DYNC2H1: variants seen among roughly 807,000 people sequenced by gnomAD.
The protein encoded by DYNC2H1 is dynein cytoplasmic 2 heavy chain 1.
In DYNC2H1, 410 loss-of-function variants were observed where a neutral mutation model predicts 570.0. That is an observed-to-expected ratio of 0.72 (90% CI 0.66 to 0.78). DYNC2H1 has a LOEUF of 0.78. Among genes scored for constraint, DYNC2H1 ranks in the 30% least tolerant of loss-of-function variants. The probability of loss-of-function intolerance (pLI) is 0.00; values close to 1 mark genes in which losing one functional copy is unlikely to be tolerated. For synonymous variants in DYNC2H1, 1,688 were observed against 1,677.6 expected (o/e 1.01, Z -0.15); for missense variants, 4,865 against 5,046.4 (o/e 0.96, Z 1.09).
intron 84 of DYNC2H1, among the ~76,000 whole-genome samples, chr11:103,426,600 G>T (rs1011050966): frequency 1.3e-5 from 2 of 152,126 alleles, no homozygotes; most frequent in East Asian, 3.8e-4. Flanking sequence ...ATCTATGTTA[G>T]CTTGGAAGAC....
chr11:103,292,115 G>GT (rs1316064206), intron 75 of DYNC2H1, among the ~76,000 whole-genome samples: 2 of 147,310 alleles, frequency 1.4e-5, no homozygotes, highest in Non-Finnish European at 3.0e-5. Context: ...CGGCTATTTT[G>GT]TTTTTTTGTT....
intron 87 of DYNC2H1, among the ~76,000 whole-genome samples, chr11:103,467,993 G>A (rs1275296657): frequency 6.6e-6 from 1 of 152,164 alleles, no homozygotes; most frequent in Non-Finnish European, 1.5e-5. Context: ...ATTAACTGCA[G>A]AAACTAAAAG....
rs1862046241 is a variant in DYNC2H1 at position 103,185,922 on chromosome 11, TTA to T, written c.6634-319_6634-318del. Among the ~76,000 whole-genome samples, 3 of 151,922 alleles carry T rather than the reference TTA, an allele frequency of 2.0e-5. No individual in the cohort carries two copies. The highest frequency in any genetic ancestry group is 4.2e-4 in the South Asian group (2 of 4,816). On this transcript the variant is annotated intron_variant, in intron 41 of 88. Coordinates refer to ENST00000375735, the MANE Select transcript of DYNC2H1 (RefSeq NM_001377.3). The surrounding 1 kb of genome is among the most constrained non-coding windows in gnomAD (Gnocchi z 4.5). Reference sequence around the variant, plus strand: ...CAGGATATGGCAGAAATGAAGGGCTTTAGGATTTCTGCATTCTGTACTTTGTG... The same window carrying T: ...CAGGATATGGCAGAAATGAAGGGCTTGGATTTCTGCATTCTGTACTTTGTG...
intron 70 of DYNC2H1, among the ~76,000 whole-genome samples, chr11:103,270,249 T>C (rs999630922): frequency 1.1e-4 from 17 of 150,490 alleles, no homozygotes; most frequent in African/African-American, 3.9e-4. Flanking sequence ...GAAGGAAGGA[T>C]TGGGAGCATG....
chr11:103,269,095 G>C (rs1362978905), intron 70 of DYNC2H1, among the ~76,000 whole-genome samples: 1 of 152,034 alleles, frequency 6.6e-6, no homozygotes, highest in East Asian at 1.9e-4. Context: ...TAATATTTTA[G>C]TTAGTACTCA....
chr11:103,242,143 C>T (rs962708449), intron 63 of DYNC2H1, among the ~76,000 whole-genome samples: 2 of 151,968 alleles, frequency 1.3e-5, no homozygotes, highest in Non-Finnish European at 2.9e-5. Flanking sequence ...TGGGGTTATA[C>T]ATTTTTATAT....
intron 47 of DYNC2H1, 137 bp from the exon 48 acceptor site, chr11:103,197,796 A>T: frequency 2.1e-6 from 2 of 934,392 alleles, no homozygotes; most frequent in Non-Finnish European, 3.2e-6. Context: ...TGTACACTTT[A>T]AAGTATTTTG....
rs1862201055 is a variant in DYNC2H1 at position 103,189,279 on chromosome 11, A to C, written c.7293-393A>C. On this transcript the variant is annotated intron_variant, in intron 44 of 88. Coordinates refer to ENST00000375735, the MANE Select transcript of DYNC2H1 (RefSeq NM_001377.3). The surrounding 1 kb of genome is among the most constrained non-coding windows in gnomAD (Gnocchi z 4.3). ...TGAAATACATTTTGGTTTGGGAGAA[A>C]GGGGTTGATTTTATTTGTTGTATTA... Among the ~76,000 whole-genome samples, 1 of 151,946 alleles carries C rather than the reference A, an allele frequency of 6.6e-6. No individual in the cohort carries two copies. Among genetic ancestry groups the C allele is most frequent in the African/African-American group, 2.4e-5 (1 of 41,356 alleles).
rs1335663972 is a variant in DYNC2H1 at position 103,462,736 on chromosome 11, A to AGC, written c.12649-5853_12649-5852insGC. Among the ~76,000 whole-genome samples the AGC allele has an allele frequency of 9.8e-5, 15 of 152,296 alleles. No homozygotes were observed. In the South Asian group the frequency reaches 1.4e-3, roughly 15 times the overall value. On this transcript the variant is annotated intron_variant, in intron 87 of 88. Transcript: ENST00000375735. ...GTCCAGTGACATTTTCTCTTTAAGT[A>AGC]TCATTGTGAGCTTCTTGTATATCTA...
intron 84 of DYNC2H1, among the ~76,000 whole-genome samples, chr11:103,422,247 A>C (rs1943512358): frequency 6.6e-6 from 1 of 152,220 alleles, no homozygotes; most frequent in African/African-American, 2.4e-5. Context: ...TTCACAGCTG[A>C]ATTCTACCAG....
intron 82 of DYNC2H1, among the ~76,000 whole-genome samples, chr11:103,339,269 G>A (rs934668081): frequency 2.0e-5 from 3 of 152,084 alleles, no homozygotes; most frequent in Admixed American, 1.3e-4. Context: ...AGAACACCAT[G>A]AAAGCCTGAG....
chr11:103,281,143 C>G (rs1050437071), intron 71 of DYNC2H1, among the ~76,000 whole-genome samples: 9 of 152,004 alleles, frequency 5.9e-5, no homozygotes, highest in African/African-American at 2.2e-4. Flanking sequence ...TAACTATTTT[C>G]TGGTTCCTTT....
At chr11:103,320,717 G>A (rs577722751) in intron 80 of DYNC2H1, among the ~76,000 whole-genome samples, 56 of 152,152 alleles carry the variant, frequency 3.7e-4, no homozygotes, top group African/African-American at 1.3e-3. Context: ...TCAGATCTTC[G>A]AGATTGTATA....
intron 87 of DYNC2H1, among the ~76,000 whole-genome samples, chr11:103,463,363 T>C (rs547400965): frequency 1.3e-5 from 2 of 152,322 alleles, no homozygotes; most frequent in East Asian, 3.9e-4. Flanking sequence ...TTAGTAGTGC[T>C]AAATGTTACA....
chr11:103,374,768 A>G (rs1941323557), intron 83 of DYNC2H1, among the ~76,000 whole-genome samples: 1 of 152,192 alleles, frequency 6.6e-6, no homozygotes, highest in South Asian at 2.1e-4. Context: ...ATCTGGCAGG[A>G]GAAATTTCTA....
intron 52 of DYNC2H1, among the ~76,000 whole-genome samples, chr11:103,206,858 T>G (rs1237522827): frequency 1.3e-5 from 2 of 152,134 alleles, no homozygotes; most frequent in Non-Finnish European, 2.9e-5. Context: ...TACACTCTTT[T>G]AAGGAATTTT....
intron 59 of DYNC2H1, among the ~76,000 whole-genome samples, chr11:103,230,845 G>T (rs1863978485): frequency 6.6e-6 from 1 of 152,126 alleles, no homozygotes; most frequent in Non-Finnish European, 1.5e-5. Flanking sequence ...ACTCTAGCCT[G>T]AGAAACAGAG....
chr11:103,336,259 C>T (rs1215904126), intron 82 of DYNC2H1, among the ~76,000 whole-genome samples: 1 of 152,138 alleles, frequency 6.6e-6, no homozygotes, highest in Admixed American at 6.5e-5. Context: ...CAGTATCCAT[C>T]GCCTCAAACA....
Position 103,201,715 on chromosome 11 carries a change from G to A in DYNC2H1, c.8197+1561G>A, listed in dbSNP as rs1015052350. On this transcript the variant is annotated intron_variant, in intron 50 of 88. Coordinates refer to ENST00000375735, the MANE Select transcript of DYNC2H1 (RefSeq NM_001377.3). The surrounding 1 kb of genome is among the most constrained non-coding windows in gnomAD (Gnocchi z 4.8). ...GTCTGTGGTGTTACCTGACCTTTTT[G>A]GTGTCTTCCTGGGGAGGACACTTGC... Among the ~76,000 whole-genome samples, 3 of 151,958 alleles carry A rather than the reference G, an allele frequency of 2.0e-5. No homozygotes were observed. The highest frequency in any genetic ancestry group is 4.4e-5 in the Non-Finnish European group (3 of 68,004).
Sources: allele counts gnomAD v4.1 joint callset (sites outside exome capture counted in the v4.1 genomes callset), GRCh38; gene constraint gnomAD v4.1.1; non-coding constraint Gnocchi (gnomAD v3.1); transcripts MANE v1.5; gene names NCBI Gene and HGNC (gene_info 2026-07-23, HGNC 2026-07-21).